SPOCK1: variants seen among roughly 807,000 people sequenced by gnomAD.
SPOCK1 encodes testican-1.
A neutral mutation model predicts 55.3 loss-of-function variants in SPOCK1; 23 were observed. The observed-to-expected ratio is 0.42, with a 90% confidence interval of 0.30 to 0.59. The LOEUF (loss-of-function observed/expected upper bound fraction) is 0.59. Ranked by LOEUF, SPOCK1 falls within the 20% of genes least tolerant of loss-of-function variation. The pLI is 0.22. For synonymous variants in SPOCK1, 226 were observed against 221.0 expected (o/e 1.02, Z -0.20); for missense variants, 499 against 552.5 (o/e 0.90, Z 0.97).
intron 5 of SPOCK1, among the ~76,000 whole-genome samples, chr5:137,108,819 C>G (rs62374896): frequency 6.6e-6 from 1 of 152,138 alleles, no homozygotes; most frequent in Non-Finnish European, 1.5e-5. Context: ...ATGAAGAATC[C>G]GAAGTCATTG....
intron 3 of SPOCK1, among the ~76,000 whole-genome samples, chr5:137,151,075 C>A (rs1246053331): frequency 1.3e-5 from 2 of 152,188 alleles, no homozygotes; most frequent in Non-Finnish European, 2.9e-5. Flanking sequence ...AAGGAGAATG[C>A]AAATCTATAT....
At chr5:137,291,897 A>C (rs1757378253) in intron 2 of SPOCK1, among the ~76,000 whole-genome samples, 1 of 151,974 alleles carries the variant, frequency 6.6e-6, no homozygotes, top group South Asian at 2.1e-4. Context: ...CTTGGTAAAA[A>C]CCCTTCCTGT....
intron 6 of SPOCK1, among the ~76,000 whole-genome samples, chr5:137,023,902 C>T (rs769621393): frequency 1.3e-5 from 2 of 150,256 alleles, no homozygotes; most frequent in Non-Finnish European, 3.0e-5. Flanking sequence ...GTAAAATTCA[C>T]ATAACCATAG....
intron 5 of SPOCK1, among the ~76,000 whole-genome samples, chr5:137,087,558 A>G (rs1013521359): frequency 1.2e-4 from 18 of 152,218 alleles, no homozygotes; most frequent in Non-Finnish European, 2.5e-4. Context: ...CTCACTCTCA[A>G]AAATCCTGCA....
intron 2 of SPOCK1, among the ~76,000 whole-genome samples, chr5:137,400,866 C>A (rs186265194): frequency 2.0e-5 from 3 of 152,310 alleles, no homozygotes; most frequent in Admixed American, 1.3e-4. Context: ...AAAGGCCAAG[C>A]TACAGACAAA....
At chr5:136,986,474 T>G (rs777133178) in intron 8 of SPOCK1, among the ~76,000 whole-genome samples, 2 of 152,112 alleles carry the variant, frequency 1.3e-5, no homozygotes, top group African/African-American at 2.4e-5. Context: ...GGCTATTATC[T>G]TAACATTGAT....
chr5:137,266,106 G>A (rs1347295967), intron 3 of SPOCK1, among the ~76,000 whole-genome samples: 1 of 152,122 alleles, frequency 6.6e-6, no homozygotes, highest in Non-Finnish European at 1.5e-5. Context: ...CAAGCAGAGG[G>A]CAGAAAGGAG....
At chr5:137,452,185 T>C (rs890947037) in intron 2 of SPOCK1, among the ~76,000 whole-genome samples, 10 of 152,248 alleles carry the variant, frequency 6.6e-5, no homozygotes, top group African/African-American at 2.4e-4. Flanking sequence ...AAGTATGTTT[T>C]GTAAAACAAG....
intron 2 of SPOCK1, among the ~76,000 whole-genome samples, chr5:137,279,262 GA>G (rs1210765193): frequency 1.3e-5 from 2 of 152,204 alleles, no homozygotes; most frequent in Non-Finnish European, 2.9e-5. Flanking sequence ...TTACCCTCTT[GA>G]AACCCATGGT....
At position 137,225,612 on chromosome 5, in the gene SPOCK1, C is replaced by T. The variant is rs114752940; in HGVS notation, c.232+41398G>A. Among the ~76,000 whole-genome samples the T allele has an allele frequency of 4.1e-3, 627 of 152,304 alleles. 1 individual carries two copies. The highest frequency in any genetic ancestry group is 0.015 in the African/African-American group (616 of 41,556). On this transcript the variant is annotated intron_variant, in intron 3 of 10. Transcript: ENST00000394945. ...AAATGCTAGGGCATGCCACACGATGCCTCGACATACACACTTGATGTAGCA... is the reference window on the plus strand; with the variant it reads ...AAATGCTAGGGCATGCCACACGATGTCTCGACATACACACTTGATGTAGCA...
intron 5 of SPOCK1, among the ~76,000 whole-genome samples, chr5:137,074,214 G>A (rs1422488006): frequency 6.6e-6 from 1 of 152,182 alleles, no homozygotes; most frequent in African/African-American, 2.4e-5. Flanking sequence ...AATGAAATGA[G>A]TGAAAGTTAA....
chr5:137,407,956 C>T (rs1752135021), intron 2 of SPOCK1, among the ~76,000 whole-genome samples: 1 of 152,090 alleles, frequency 6.6e-6, no homozygotes, highest in Non-Finnish European at 1.5e-5. Context: ...CCCCCACCCC[C>T]ACTGCTCACT....
intron 5 of SPOCK1, among the ~76,000 whole-genome samples, chr5:137,097,412 C>T (rs1205411724): frequency 1.3e-5 from 2 of 152,152 alleles, no homozygotes; most frequent in African/African-American, 4.8e-5. Context: ...AGATGTGAGC[C>T]GTGGCTTAGA....
intron 2 of SPOCK1, among the ~76,000 whole-genome samples, chr5:137,376,068 T>C (rs1751307261): frequency 6.6e-6 from 1 of 152,180 alleles, no homozygotes; most frequent in African/African-American, 2.4e-5. Flanking sequence ...TGAAGTAAAA[T>C]GGGCATACAT....
chr5:136,979,453 C>A lies in SPOCK1; in HGVS notation c.1008G>T (p.Arg336=). 1 of 1,613,924 alleles carries A rather than the reference C, an allele frequency of 6.2e-7. No individual in the cohort carries two copies. Among genetic ancestry groups the A allele is most frequent in the Non-Finnish European group, 8.5e-7 (1 of 1,179,938 alleles). Residue 336 remains arginine, a synonymous_variant, in exon 10 of 11, where the codon CGG becomes CGT. Transcript: ENST00000394945. ...CTTTGTAATAGCCCTCCTCATTACA[C>A]CGAGGTATGAAGGCCCCTGGGGGAA... The part of the protein sequence containing the change: ...GKSLLGAFIP[R]CNEEGYYKAT...
chr5:137,254,221 A>T (rs1756592423), intron 3 of SPOCK1, among the ~76,000 whole-genome samples: 1 of 152,222 alleles, frequency 6.6e-6, no homozygotes, highest in African/African-American at 2.4e-5. Flanking sequence ...AAATAATTTT[A>T]TCTTAGCAGG....
intron 4 of SPOCK1, among the ~76,000 whole-genome samples, chr5:137,127,211 C>T (rs1386662333): frequency 6.6e-6 from 1 of 152,180 alleles, no homozygotes; most frequent in African/African-American, 2.4e-5. Context: ...AAGAGCAATT[C>T]AGAAATCATC....
chr5:137,151,486 T>C (rs553576219), intron 3 of SPOCK1, among the ~76,000 whole-genome samples: 12 of 152,350 alleles, frequency 7.9e-5, no homozygotes, highest in African/African-American at 2.9e-4. Context: ...GCTGAAAGTA[T>C]GGAACAAGTT....
intron 2 of SPOCK1, among the ~76,000 whole-genome samples, chr5:137,476,035 T>G (rs1422222049): frequency 1.1e-4 from 2 of 18,178 alleles, no homozygotes; most frequent in Non-Finnish European, 1.9e-4. Context: ...AAATTATAGG[T>G]TTTTTTTTTT....
Sources: allele counts gnomAD v4.1 joint callset (sites outside exome capture counted in the v4.1 genomes callset), GRCh38; gene constraint gnomAD v4.1.1; transcripts MANE v1.5; gene names NCBI Gene and HGNC (gene_info 2026-07-23, HGNC 2026-07-21).